Variants in BICC1 observed in about 807,000 individuals in gnomAD.
The protein encoded by BICC1 is protein bicaudal C homolog 1.
A neutral mutation model predicts 111.0 loss-of-function variants in BICC1; 43 were observed. The observed-to-expected ratio is 0.39, with a 90% CI of 0.30 to 0.50. The LOEUF (loss-of-function observed/expected upper bound fraction) is 0.50. Ranked by LOEUF, BICC1 falls within the 20% of genes least tolerant of loss-of-function variation. BICC1 has a pLI of 0.88. For missense variants in BICC1, 1,091 were observed against 1,203.2 expected (o/e 0.91, Z 1.38); for synonymous variants, 467 against 434.4 (o/e 1.07, Z -0.93).
intron 2 of BICC1, among the ~76,000 whole-genome samples, chr10:58,691,167 A>G (rs953896212): frequency 6.6e-6 from 1 of 152,036 alleles, no homozygotes; most frequent in Non-Finnish European, 1.5e-5. Flanking sequence ...TATAATATCT[A>G]CCCTCTTAGC....
At position 58,575,592 on chromosome 10, in the gene BICC1, G is replaced by GT. The variant is rs757034862; in HGVS notation, c.191-45254dup. Reference sequence around the variant, plus strand: ...AGTTTTTTTTTGGTTGTTGTTGTTGGTTTTTTTTTGTTAAGAAATAGGGTC... The same window carrying GT: ...AGTTTTTTTTTGGTTGTTGTTGTTGGTTTTTTTTTTGTTAAGAAATAGGGTC... On this transcript the variant is annotated intron_variant, in intron 1 of 20. Transcript: ENST00000373886. Among the ~76,000 whole-genome samples the GT allele has an allele frequency of 1.8e-3, 268 of 150,510 alleles. 3 individuals carry two copies. Among genetic ancestry groups the GT allele is most frequent in the Non-Finnish European group, 2.3e-3 (156 of 67,590 alleles).
At chr10:58,788,607 A>G (rs1843081830) in intron 6 of BICC1, among the ~76,000 whole-genome samples, 184 bp downstream of exon 6, 1 of 152,214 alleles carries the variant, frequency 6.6e-6, no homozygotes, top group South Asian at 2.1e-4. Context: ...TATATGTTCA[A>G]AAAGTGAGTT....
chr10:58,712,065 A>G (rs1465044757), intron 3 of BICC1, among the ~76,000 whole-genome samples: 2 of 152,206 alleles, frequency 1.3e-5, no homozygotes, highest in African/African-American at 4.8e-5. Context: ...CACCTCACCA[A>G]AGAAGATATA....
chr10:58,687,349 C>T (rs1839767670), intron 2 of BICC1, among the ~76,000 whole-genome samples: 1 of 152,224 alleles, frequency 6.6e-6, no homozygotes, highest in Non-Finnish European at 1.5e-5. Context: ...TCTGTCTGTT[C>T]TCAGATCTGA....
chr10:58,548,060 T>C (rs1209582539), intron 1 of BICC1, among the ~76,000 whole-genome samples: 2 of 152,230 alleles, frequency 1.3e-5, no homozygotes, highest in Non-Finnish European at 2.9e-5. Context: ...ATAATCTGTG[T>C]ATGTTCACAT....
intron 1 of BICC1, among the ~76,000 whole-genome samples, chr10:58,528,614 GT>G (rs1842605416): frequency 6.6e-6 from 1 of 151,846 alleles, no homozygotes. Context: ...TTATCATTGA[GT>G]TATTTTGAGT....
At chr10:58,723,596 A>G (rs774573549) in intron 3 of BICC1, among the ~76,000 whole-genome samples, 4 of 152,186 alleles carry the variant, frequency 2.6e-5, no homozygotes, top group Non-Finnish European at 4.4e-5. Flanking sequence ...TGATAAAAAG[A>G]TGAAATGTTC....
At chr10:58,784,352 A>G (rs1336621360) in intron 3 of BICC1, among the ~76,000 whole-genome samples, 3 of 152,312 alleles carry the variant, frequency 2.0e-5, no homozygotes, top group Non-Finnish European at 4.4e-5. Context: ...TGGCAGTAAT[A>G]AACAATATTA....
At chr10:58,639,155 A>C (rs569153085) in intron 2 of BICC1, among the ~76,000 whole-genome samples, 14 of 152,142 alleles carry the variant, frequency 9.2e-5, no homozygotes, top group Non-Finnish European at 1.6e-4. Context: ...ACCATGTTGT[A>C]TAATAGATCT....
intron 10 of BICC1, among the ~76,000 whole-genome samples, chr10:58,796,996 G>T (rs1310307392): frequency 1.3e-5 from 2 of 152,132 alleles, no homozygotes; most frequent in African/African-American, 4.8e-5. Flanking sequence ...GCCTTGCCTA[G>T]ATACAAAGGA....
intron 3 of BICC1, among the ~76,000 whole-genome samples, chr10:58,780,899 A>G (rs1040692840): frequency 1.3e-5 from 2 of 152,188 alleles, no homozygotes; most frequent in Non-Finnish European, 2.9e-5. Context: ...CCTTACGACA[A>G]TTGTTGCCTT....
At chr10:58,601,607 C>A (rs953588530) in intron 1 of BICC1, among the ~76,000 whole-genome samples, 2 of 151,912 alleles carry the variant, frequency 1.3e-5, no homozygotes, top group Admixed American at 1.3e-4. Context: ...AATAGAATTA[C>A]TGGATCAAGT....
chr10:58,568,758 C>G (rs146649385), intron 1 of BICC1, among the ~76,000 whole-genome samples: 1 of 152,286 alleles, frequency 6.6e-6, no homozygotes, highest in East Asian at 1.9e-4. Flanking sequence ...TCCCTTCTCC[C>G]CCTTGCCTTC....
chr10:58,793,438 TG>T, intron 8 of BICC1, 45 bp from the exon 9 acceptor site: 1 of 1,543,532 alleles, frequency 6.5e-7, no homozygotes, highest in Non-Finnish European at 8.9e-7. Flanking sequence ...GGTGTTTAAA[TG>T]ATTAAATTTT....
At chr10:58,684,855 T>C (rs1170468425) in intron 2 of BICC1, among the ~76,000 whole-genome samples, 1 of 152,222 alleles carries the variant, frequency 6.6e-6, no homozygotes, top group Non-Finnish European at 1.5e-5. Context: ...GAAGGGTTTT[T>C]TTGTGTCTCT....
chr10:58,678,423 A>G (rs1175081264), intron 2 of BICC1, among the ~76,000 whole-genome samples: 3 of 152,196 alleles, frequency 2.0e-5, no homozygotes, highest in African/African-American at 4.8e-5. Flanking sequence ...CAGACTTTAA[A>G]CCAACAAAGA....
intron 3 of BICC1, among the ~76,000 whole-genome samples, chr10:58,716,523 A>C (rs1263216543): frequency 1.3e-5 from 2 of 152,142 alleles, no homozygotes; most frequent in African/African-American, 4.8e-5. Flanking sequence ...GAGATAATAC[A>C]CTGCAGTCAT....
intron 1 of BICC1, among the ~76,000 whole-genome samples, chr10:58,548,163 C>T (rs1843190474): frequency 6.6e-6 from 1 of 152,184 alleles, no homozygotes; most frequent in African/African-American, 2.4e-5. Flanking sequence ...CCACATGGCT[C>T]ATTGGAGTTT....
intron 2 of BICC1, among the ~76,000 whole-genome samples, chr10:58,697,772 A>G (rs557826501): frequency 6.6e-6 from 1 of 151,936 alleles, no homozygotes; most frequent in Non-Finnish European, 1.5e-5. Context: ...ACCTAGCTCC[A>G]GTACTGGGGT....
Sources: gnomAD v4.1 joint callset for allele counts (sites outside exome capture counted in the v4.1 genomes callset) on GRCh38, gnomAD v4.1.1 for gene constraint, MANE v1.5 for transcripts, NCBI Gene and HGNC (gene_info 2026-07-23, HGNC 2026-07-21) for gene names.